Variants in ATXN10 observed in about 807,000 individuals in gnomAD.
ATXN10 encodes the protein ataxin-10.
A neutral mutation model predicts 52.9 loss-of-function variants in ATXN10; 28 were observed. The ratio of observed to expected loss-of-function variants is 0.53; its 90% CI spans 0.39 to 0.73. The LOEUF (loss-of-function observed/expected upper bound fraction) is 0.73. Ranked by LOEUF, ATXN10 falls within the 30% of genes least tolerant of loss-of-function variation. The pLI is 0.00. For missense variants in ATXN10, 565 were observed against 577.0 expected (o/e 0.98, Z 0.21); for synonymous variants, 226 against 221.5 (o/e 1.02, Z -0.18).
rs368442867 is a variant in ATXN10 at position 45,729,792 on chromosome 22, C to T, written c.894+202C>T. 36 of 647,912 alleles carry T rather than the reference C, an allele frequency of 5.6e-5. No individual in the cohort carries two copies. In the East Asian group the frequency reaches 8.8e-4, roughly 16 times the overall value. The allele number at this position is 647,912 out of a possible 1,614,324, so 40.1% of individuals were successfully genotyped here. On this transcript the variant is annotated intron_variant, in intron 7 of 11. Coordinates refer to ENST00000252934, the MANE Select transcript of ATXN10 (RefSeq NM_013236.4). ...TACCATCCAGAGTCAATGACTTAGG[C>T]AAATTCTGGTTAATTTTCTAGACAG...
intron 9 of ATXN10, among the ~76,000 whole-genome samples, chr22:45,742,955 G>A (rs1925593624): frequency 6.6e-6 from 1 of 152,180 alleles, no homozygotes; most frequent in Non-Finnish European, 1.5e-5. Context: ...TTTTTCTTGT[G>A]TTTAACTATT....
chr22:45,834,744 T>C (rs185466998), intron 10 of ATXN10, among the ~76,000 whole-genome samples: 2 of 152,234 alleles, frequency 1.3e-5, no homozygotes, highest in South Asian at 2.1e-4. Flanking sequence ...TCTGAGCACA[T>C]GGTGAGCACA....
Position 45,729,464 on chromosome 22 carries a change from T to C in ATXN10, c.768T>C (p.Ser256=), listed in dbSNP as rs777263532. 2 of 1,614,102 alleles carry C rather than the reference T, an allele frequency of 1.2e-6. No homozygotes were observed. Among genetic ancestry groups the C allele is most frequent in the South Asian group, 1.1e-5 (1 of 91,072 alleles). The change falls in exon 7 of 12, where the codon AGT becomes AGC. Residue 256 remains serine (S), a synonymous_variant. Coordinates refer to ENST00000252934, the MANE Select transcript of ATXN10 (RefSeq NM_013236.4). ...ACCTTATGATAGCCAAGATAACGAG[T>C]GATGAGCCACTCACCAAGGATGACA... ...LLDLMIAKIT[S]DEPLTKDDIP...
At position 45,701,161 on chromosome 22, in the gene ATXN10, G is replaced by A. The variant is rs899759517; in HGVS notation, c.488+783G>A. On this transcript the variant is annotated intron_variant, in intron 4 of 11. Coordinates refer to ENST00000252934, the MANE Select transcript of ATXN10 (RefSeq NM_013236.4). The surrounding 1 kb of genome is among the most constrained non-coding windows in gnomAD (Gnocchi z 4.2). ...TGCAACAGTATAAGCAGCACAGCAG[G>A]GTAGCAGCTGTTGTGTACATACCCT... 1.3e-5 allele frequency among the ~76,000 whole-genome samples: 2 copies of A among 152,158 alleles called. No individual in the cohort carries two copies. Among genetic ancestry groups the A allele is most frequent in the African/African-American group, 4.8e-5 (2 of 41,442 alleles).
At chr22:45,801,235 C>G (rs1378236972) in intron 9 of ATXN10, among the ~76,000 whole-genome samples, 2 of 152,204 alleles carry the variant, frequency 1.3e-5, no homozygotes, top group African/African-American at 4.8e-5. Flanking sequence ...AATGCAGATT[C>G]ATTTGTTCTG....
rs182299118 is a variant in ATXN10, at chr22:45,762,810, G to A, written c.1173+22272G>A. Among the ~76,000 whole-genome samples, 14 of 152,284 alleles carry A rather than the reference G, an allele frequency of 9.2e-5. No individual in the cohort carries two copies. In the East Asian group the frequency reaches 2.7e-3, roughly 30 times the overall value. ...CCACTGACAGATGCCTTCCCCCTGT[G>A]TTTTGGCTCCAAATTCCAAGTGAGA... is the stretch of plus-strand genomic sequence containing the variant. On this transcript the variant is annotated intron_variant, in intron 9 of 11. Transcript: ENST00000252934. The surrounding 1 kb of genome is among the most constrained non-coding windows in gnomAD (Gnocchi z 4.3).
At chr22:45,735,245 T>G (rs556417183) in intron 7 of ATXN10, among the ~76,000 whole-genome samples, 1 of 152,142 alleles carries the variant, frequency 6.6e-6, no homozygotes, top group Non-Finnish European at 1.5e-5. Context: ...CTAAATGTTA[T>G]CTGTTATTAT....
intron 9 of ATXN10, 130 bp from the exon 10 acceptor site, chr22:45,806,829 G>A (rs988012374): frequency 4.1e-6 from 3 of 735,684 alleles, no homozygotes; most frequent in African/African-American, 3.5e-5. Flanking sequence ...GGTTGATATA[G>A]ATATTTCAGA....
rs1928464947 is a variant in ATXN10 at position 45,816,464 on chromosome 22, C to T, written c.1237+9442C>T. ...CAGTGAGCTGAGTGCCTCCATTTGG[C>T]GTGTTATAGTTGGGTTGGGTGGCTG... On this transcript the variant is annotated intron_variant, in intron 10 of 11. Coordinates refer to ENST00000252934, the MANE Select transcript of ATXN10 (RefSeq NM_013236.4). The surrounding 1 kb of genome is among the most constrained non-coding windows in gnomAD (Gnocchi z 5.8). 6.6e-6 allele frequency among the ~76,000 whole-genome samples: 1 copy of T among 152,088 alleles called. No homozygotes were observed. The highest frequency in any genetic ancestry group is 2.1e-4 in the South Asian group (1 of 4,826).
At position 45,843,406 on chromosome 22, in the gene ATXN10, GAGA is replaced by G. The variant is rs1316725085; in HGVS notation, c.1425+230_1425+232del. On this transcript the variant is annotated intron_variant, in intron 11 of 11. Transcript: ENST00000252934. This position sits in a 1 kb window ranked among gnomAD's most constrained non-coding sequence, Gnocchi z 4.5. The stretch of plus-strand genomic sequence containing the variant: ...GGACAATTTCAAACTCATTCTGGGT[GAGA>G]AATACAAAAGGCATATCAAAAGTTA... Among the ~76,000 whole-genome samples, 1 of 152,166 alleles carries G rather than the reference GAGA, an allele frequency of 6.6e-6. No individual in the cohort carries two copies. The highest frequency in any genetic ancestry group is 1.9e-4 in the East Asian group (1 of 5,194).
rs1232954544 is a variant in ATXN10, at chr22:45,681,499, A to G, written c.117-8213A>G. Among the ~76,000 whole-genome samples the G allele has an allele frequency of 6.6e-6, 1 of 152,078 alleles. No homozygotes were observed. The highest frequency in any genetic ancestry group is 6.6e-5 in the Admixed American group (1 of 15,266). ...TCCCCTTCTTAATGTTCACATTCCCATCTTGATCTGGCTTAGATCCATGGA... is the reference window on the plus strand; with the variant it reads ...TCCCCTTCTTAATGTTCACATTCCCGTCTTGATCTGGCTTAGATCCATGGA... On this transcript the variant is annotated intron_variant, in intron 1 of 11. Transcript: ENST00000252934. This position sits in a 1 kb window ranked among gnomAD's most constrained non-coding sequence, Gnocchi z 4.2.
chr22:45,797,262 G>A (rs1055820693), intron 9 of ATXN10, among the ~76,000 whole-genome samples: 5 of 152,180 alleles, frequency 3.3e-5, no homozygotes, highest in African/African-American at 1.2e-4. Flanking sequence ...ATAACAGCAT[G>A]TATGTTCTTT....
rs1231128852 is a variant in ATXN10 at position 45,780,432 on chromosome 22, G to C, written c.1174-26527G>C. Among the ~76,000 whole-genome samples, 1 of 152,180 alleles carries C rather than the reference G, an allele frequency of 6.6e-6. No homozygotes were observed. The highest frequency in any genetic ancestry group is 1.5e-5 in the Non-Finnish European group (1 of 68,036). ...GGGTGTGAAAGCCCCCTTGTTGCCT[G>C]TTTCAGAATTTATGCAGTGTGGTGG... On this transcript the variant is annotated intron_variant, in intron 9 of 11. Coordinates refer to ENST00000252934, the MANE Select transcript of ATXN10 (RefSeq NM_013236.4). The surrounding 1 kb of genome is among the most constrained non-coding windows in gnomAD (Gnocchi z 4.0).
Position 45,683,812 on chromosome 22 carries a change from G to C in ATXN10, c.117-5900G>C, listed in dbSNP as rs1923024170. Among the ~76,000 whole-genome samples the C allele has an allele frequency of 6.6e-6, 1 of 152,208 alleles. No homozygotes were observed. Among genetic ancestry groups the C allele is most frequent in the South Asian group, 2.1e-4 (1 of 4,818 alleles). ...CTTCGAGCACAGTCCATCTTCCCCA[G>C]GTCTTTAATGCTATTGATAGATGCC... is the stretch of plus-strand genomic sequence containing the variant. On this transcript the variant is annotated intron_variant, in intron 1 of 11. Coordinates refer to ENST00000252934, the MANE Select transcript of ATXN10 (RefSeq NM_013236.4). This position sits in a 1 kb window ranked among gnomAD's most constrained non-coding sequence, Gnocchi z 4.8.
At position 45,842,567 on chromosome 22, in the gene ATXN10, G is replaced by T. The variant is rs1437990862; in HGVS notation, c.1238-424G>T. ...TGACGTCTTTGTGACTGATTCTTTA[G>T]TGCTCTTCTTATTCTTTCCCTAGTG... On this transcript the variant is annotated intron_variant, in intron 10 of 11. Transcript: ENST00000252934. This position sits in a 1 kb window ranked among gnomAD's most constrained non-coding sequence, Gnocchi z 4.8. 6.6e-6 allele frequency among the ~76,000 whole-genome samples: 1 copy of T among 152,106 alleles called. No homozygotes were observed. The highest frequency in any genetic ancestry group is 1.5e-5 in the Non-Finnish European group (1 of 68,014).
In ATXN10 at chr22:45,775,740, T is replaced by C. The variant is rs1478711546; in HGVS notation, c.1174-31219T>C. Among the ~76,000 whole-genome samples, 1 of 152,226 alleles carries C rather than the reference T, an allele frequency of 6.6e-6. No individual in the cohort carries two copies. The highest frequency in any genetic ancestry group is 2.4e-5 in the African/African-American group (1 of 41,448). ...TGAGTAGTTTCCATGCTTCAAGTTTTACTTCCTCATTAGTGCCTCATGTCA... is the reference window on the plus strand; with the variant it reads ...TGAGTAGTTTCCATGCTTCAAGTTTCACTTCCTCATTAGTGCCTCATGTCA... On this transcript the variant is annotated intron_variant, in intron 9 of 11. Transcript: ENST00000252934. This position sits in a 1 kb window ranked among gnomAD's most constrained non-coding sequence, Gnocchi z 4.7.
At chr22:45,830,528 C>T (rs908628831) in intron 10 of ATXN10, among the ~76,000 whole-genome samples, 18 of 151,862 alleles carry the variant, frequency 1.2e-4, no homozygotes, top group Non-Finnish European at 2.4e-4. Flanking sequence ...CAACCTCATT[C>T]AAAAATGGAC....
chr22:45,713,023 TTG>T (rs1924309305), intron 5 of ATXN10, among the ~76,000 whole-genome samples: 1 of 152,158 alleles, frequency 6.6e-6, no homozygotes, highest in African/African-American at 2.4e-5. Context: ...TTTACTCATG[TTG>T]TGAGTATAGC....
Position 45,818,595 on chromosome 22 carries a change from C to T in ATXN10, c.1237+11573C>T, listed in dbSNP as rs566908093. On this transcript the variant is annotated intron_variant, in intron 10 of 11. Coordinates refer to ENST00000252934, the MANE Select transcript of ATXN10 (RefSeq NM_013236.4). The surrounding 1 kb of genome is among the most constrained non-coding windows in gnomAD (Gnocchi z 4.6). Reference sequence around the variant, plus strand: ...GTGACCACCCTCGCTTTCAGCGGACCGGGGCAGGGATCAGGGATCAACAGC... The same window carrying T: ...GTGACCACCCTCGCTTTCAGCGGACTGGGGCAGGGATCAGGGATCAACAGC... 2.6e-5 allele frequency among the ~76,000 whole-genome samples: 4 copies of T among 152,090 alleles called. No individual in the cohort carries two copies. Among genetic ancestry groups the T allele is most frequent in the South Asian group, 2.1e-4 (1 of 4,804 alleles).
Sources: allele counts gnomAD v4.1 joint callset (sites outside exome capture counted in the v4.1 genomes callset), GRCh38; gene constraint gnomAD v4.1.1; non-coding constraint Gnocchi (gnomAD v3.1); transcripts MANE v1.5; gene names NCBI Gene and HGNC (gene_info 2026-07-23, HGNC 2026-07-21).